The following LILRB2 variants were observed in gnomAD, a reference collection of about 807,000 sequenced individuals.
LILRB2 encodes the protein leukocyte immunoglobulin-like receptor subfamily B member 2.
In LILRB2, 47 loss-of-function variants were observed where a neutral mutation model predicts 72.7. That is an observed-to-expected ratio of 0.65 (90% confidence interval 0.51 to 0.82). The LOEUF is 0.82. Ranked by LOEUF, LILRB2 falls within the 40% of genes least tolerant of loss-of-function variation. LILRB2 has a pLI of 0.00. For synonymous variants in LILRB2, 279 were observed against 313.7 expected (o/e 0.89, Z 1.17); for missense variants, 767 against 764.8 (o/e 1.00, Z -0.03).
At chr19:54,277,776 C>A (rs2080313469) in intron 8 of LILRB2, 113 bp downstream of exon 8, 25 of 1,325,912 alleles carry the variant, frequency 1.9e-5, no homozygotes, top group Middle Eastern at 3.6e-4. Context: ...TGCCCAGCTC[C>A]CTGGACAGAA....
rs1241064592 is a variant in LILRB2, at chr19:54,275,869, G to A, written c.1647+82C>T. On this transcript the variant is annotated intron_variant, in intron 13 of 13. Coordinates refer to ENST00000314446, the MANE Select transcript of LILRB2 (RefSeq NM_001080978.4). ...CCACCGTGACGATGCTGAGAGCCGG[G>A]GGAAGGAGGACAGAGAAGTCCTGCT... 3.9e-6 allele frequency: 6 copies of A among 1,543,574 alleles called. No homozygotes were observed. The South Asian group carries it at 4.5e-5, about 11-fold the overall frequency.
At position 54,279,616 on chromosome 19, in the gene LILRB2, C is replaced by T; in HGVS notation, c.387G>A (p.Gln129=). 6.2e-7 allele frequency: 1 copy of T among 1,613,954 alleles called. No individual in the cohort carries two copies. Among genetic ancestry groups the T allele is most frequent in the Non-Finnish European group, 8.5e-7 (1 of 1,179,928 alleles). The change falls in exon 5 of 14, where the codon CAG becomes CAA. Residue 129 remains glutamine (Q), a synonymous_variant. Coordinates refer to ENST00000314446, the MANE Select transcript of LILRB2 (RefSeq NM_001080978.4). ...GAYPKPTLSA[Q]PSPVVTSGGR... ...CTCCTGAGGTCACCACAGGGCTGGG[C>T]TGGGCTGAGAGGGTGGGTTTTGGGT...
rs768822413 is a variant in LILRB2 at position 54,277,865 on chromosome 19, G to A, written c.1309+24C>T. 25 of 1,540,246 alleles carry A rather than the reference G, an allele frequency of 1.6e-5. No homozygotes were observed. The Admixed American group carries it at 2.8e-4, about 17-fold the overall frequency. ...CCCTGGGGGTCGCTGCGCTCCCTTC[G>A]AGCCAGAGGCCTCAGGGACTCACCA... is the stretch of plus-strand genomic sequence containing the variant. On this transcript the variant is annotated intron_variant, in intron 8 of 13. Transcript: ENST00000314446.
At chr19:54,275,012 A>C (rs2080157205) in intron 13 of LILRB2, 183 bp from the exon 14 acceptor site, 3 of 1,605,132 alleles carry the variant, frequency 1.9e-6, no homozygotes, top group African/African-American at 2.7e-5. Flanking sequence ...CTAGGTCTGG[A>C]GTGTTTCACC....
At chr19:54,277,156 T>G in intron 9 of LILRB2, 1 of 1,496,018 alleles carries the variant, frequency 6.7e-7, no homozygotes, top group African/African-American at 1.4e-5. Context: ...GAAGGGAGCC[T>G]GGGAGTCTGA....
chr19:54,275,089 G>A, intron 13 of LILRB2: 1 of 1,601,352 alleles, frequency 6.2e-7, no homozygotes, highest in Non-Finnish European at 8.5e-7. Context: ...AGTGGTGGGG[G>A]GTGTCCTTGA....
At position 54,279,178 on chromosome 19, in the gene LILRB2, G is replaced by A. The variant is rs370006711; in HGVS notation, c.659-70C>T. ...TCCCCACAAACCCTCCCTCTCCCCC[G>A]GTGCCTCACCACTGCTGATCTTCCT... is the stretch of plus-strand genomic sequence containing the variant. On this transcript the variant is annotated intron_variant, in intron 5 of 13. Coordinates refer to ENST00000314446, the MANE Select transcript of LILRB2 (RefSeq NM_001080978.4). 292 of 1,570,338 alleles carry A rather than the reference G, an allele frequency of 1.9e-4. No individual in the cohort carries two copies. In the South Asian group the frequency reaches 2.3e-3, roughly 12 times the overall value.
chr19:54,278,769 G>A (rs372049121), intron 6 of LILRB2, 43 bp downstream of exon 6: 123 of 1,603,158 alleles, frequency 7.7e-5, no homozygotes, highest in Admixed American at 1.5e-4. Context: ...GGCAGGGCCT[G>A]TGCAGAGTCT....
At position 54,279,429 on chromosome 19, in the gene LILRB2, A is replaced by G. The variant is rs1601121750; in HGVS notation, c.574T>C (p.Trp192Arg). Reference protein sequence around the residue: ...SVGPVSPNRRWSHRCYGYDLN... With the variant: ...SVGPVSPNRRRSHRCYGYDLN... ...TCATAACCATAGCACCTGTGCGACC[A>G]CCTGCGATTCGGGCTCACGGGGCCC... is the stretch of plus-strand genomic sequence containing the variant. Residue 192 changes from tryptophan (W) to arginine (R), a missense_variant, in exon 5 of 14, where the codon TGG (tryptophan) becomes CGG (arginine). Trp to Arg is a moderately radical substitution (Grantham distance 101). This residue lies in a region of LILRB2 where 599 missense variants were observed against 568.2 expected (regional missense o/e 1.05). Coordinates refer to ENST00000314446, the MANE Select transcript of LILRB2 (RefSeq NM_001080978.4). The G allele has an allele frequency of 6.2e-7, 1 of 1,613,814 alleles. No individual in the cohort carries two copies.
Position 54,278,283 on chromosome 19 carries a change from T to A in LILRB2, c.1235A>T (p.Glu412Val), listed in dbSNP as rs191105008. Reference protein sequence around the residue: ...SDPYLLSHPSEPLELVVSGPS... With the variant: ...SDPYLLSHPSVPLELVVSGPS... ...ACCTGAGACCACGAGCTCCAGGGGC[T>A]CACTGGGGTGAGACAGCAGGTAGGG... Residue 412 changes from glutamate (E) to valine (V), a missense_variant, in exon 7 of 14, where the codon GAG becomes GTG. Glu to Val is a moderately radical substitution (Grantham distance 121). Around this residue, in one of 3 missense-constraint regions of LILRB2, gnomAD observed 599 missense variants for 568.2 expected, o/e 1.05. Coordinates refer to ENST00000314446, the MANE Select transcript of LILRB2 (RefSeq NM_001080978.4). 1.6e-4 allele frequency: 255 copies of A among 1,613,988 alleles called. No homozygotes were observed. The East Asian group carries it at 5.5e-3, about 35-fold the overall frequency.
chr19:54,280,854 C>G (rs1235807990), intron 1 of LILRB2, 107 bp downstream of exon 1: 2 of 624,646 alleles, frequency 3.2e-6, no homozygotes, highest in Non-Finnish European at 2.7e-6. Flanking sequence ...TGTGTCTGCC[C>G]TTCCTGATGA....
Position 54,277,540 on chromosome 19 carries a change from C to G in LILRB2, c.1357+10G>C. ...CCCCGCCCACCTCCCACTCAGAGCC[C>G]CTCACTCACCACTTTGGGGATCCGA... On this transcript the variant is annotated intron_variant, in intron 9 of 13. Coordinates refer to ENST00000314446, the MANE Select transcript of LILRB2 (RefSeq NM_001080978.4). The G allele has an allele frequency of 6.4e-7, 1 of 1,567,458 alleles. No homozygotes were observed. Among genetic ancestry groups the G allele is most frequent in the African/African-American group, 1.4e-5 (1 of 74,048 alleles).
At chr19:54,279,247 C>T (rs2080425283) in intron 5 of LILRB2, 98 bp downstream of exon 5, 2 of 1,540,882 alleles carry the variant, frequency 1.3e-6, no homozygotes, top group Admixed American at 3.8e-5. Flanking sequence ...GCCCCAACAT[C>T]ATCCCACCTG....
At chr19:54,280,340 C>G (rs935524472) in intron 2 of LILRB2, 41 bp from the exon 3 acceptor site, 3 of 1,614,072 alleles carry the variant, frequency 1.9e-6, no homozygotes, top group Non-Finnish European at 2.5e-6. Context: ...CCCCTGAAGC[C>G]TGAGCAGGTC....
In LILRB2 at chr19:54,277,605, G is replaced by T; in HGVS notation, c.1310-8C>A. 2 of 1,570,796 alleles carry T rather than the reference G, an allele frequency of 1.3e-6. No homozygotes were observed. Among genetic ancestry groups the T allele is most frequent in the Non-Finnish European group, 1.7e-6 (2 of 1,157,316 alleles). Reference sequence around the variant, plus strand: ...GGGGCTGGTCCTCAGGGCCTGCTGGGTCAGGACGGGGAGGTGAGGGCTGGG... The same window carrying T: ...GGGGCTGGTCCTCAGGGCCTGCTGGTTCAGGACGGGGAGGTGAGGGCTGGG... On this transcript the variant is annotated splice_region_variant and splice_polypyrimidine_tract_variant and intron_variant, in intron 8 of 13. Transcript: ENST00000314446.
chr19:54,280,539 T>C lies in LILRB2; in HGVS notation c.-43A>G, dbSNP rs774783536. ...CCCTGCTCTGCGGATGGATGAGCCC[T>C]CGGTGCTGGCGGGACAGAGACACAC... On this transcript the variant is annotated 5_prime_UTR_variant, in exon 2 of 14. Transcript: ENST00000314446. The C allele has an allele frequency of 6.2e-7, 1 of 1,613,844 alleles. No homozygotes were observed. Among genetic ancestry groups the C allele is most frequent in the South Asian group, 1.1e-5 (1 of 91,076 alleles).
At position 54,279,569 on chromosome 19, in the gene LILRB2, TCA is replaced by T. The variant is rs755122401; in HGVS notation, c.432_433del (p.Cys144Ter). The T allele has an allele frequency of 9.9e-6, 16 of 1,613,204 alleles. No homozygotes were observed. Among genetic ancestry groups the T allele is most frequent in the Non-Finnish European group, 1.4e-5 (16 of 1,179,740 alleles). The stretch of plus-strand genomic sequence containing the variant: ...GAAGCCGCCAAATGCCACCTGTGAC[TCA>T]CACTGGAGGGTCACCCTTCCTCCTG... On this transcript the variant is annotated stop_gained and frameshift_variant, in exon 5 of 14. Transcript: ENST00000314446. LOFTEE classifies it high-confidence loss of function.
In LILRB2 at chr19:54,274,604, G is replaced by A. The variant is rs1218156851; in HGVS notation, c.*79C>T. The A allele has an allele frequency of 6.2e-7, 1 of 1,604,896 alleles. No individual in the cohort carries two copies. The highest frequency in any genetic ancestry group is 1.1e-5 in the South Asian group (1 of 90,098). Reference sequence around the variant, plus strand: ...TCCAGGCTGACTGGGGTTCATTGGTGTCCACTGGGGGCAGCTCCCGTGCCT... The same window carrying A: ...TCCAGGCTGACTGGGGTTCATTGGTATCCACTGGGGGCAGCTCCCGTGCCT... On this transcript the variant is annotated 3_prime_UTR_variant, in exon 14 of 14. Transcript: ENST00000314446.
Position 54,279,886 on chromosome 19 carries a change from G to A in LILRB2, c.260C>T (p.Ser87Phe), listed in dbSNP as rs2080467817. 6.2e-7 allele frequency: 1 copy of A among 1,614,004 alleles called. No individual in the cohort carries two copies. Among genetic ancestry groups the A allele is most frequent in the Non-Finnish European group, 8.5e-7 (1 of 1,180,000 alleles). Residue 87 changes from serine to phenylalanine, a missense_variant, in exon 4 of 14, where the codon TCC (serine) becomes TTC (phenylalanine). By Grantham distance (155) the Ser-to-Phe change is radical. Around this residue, in one of 3 missense-constraint regions of LILRB2, gnomAD observed 599 missense variants for 568.2 expected, o/e 1.05. Transcript: ENST00000314446. ...LVKNGQFHIP[S>F]ITWEHTGRYG... ...TCGCCCTGTGTGTTCCCAGGTGATG[G>A]ATGGGATGTGGAACTGGCCGTTCTT... is the stretch of plus-strand genomic sequence containing the variant.
Sources: gnomAD v4.1 joint callset for allele counts on GRCh38, gnomAD v4.1.1 for gene constraint, gnomAD v4.1.1 regional missense constraint, MANE v1.5 for transcripts, NCBI Gene and HGNC (gene_info 2026-07-23, HGNC 2026-07-21) for gene names.